The following D2HGDH variants were observed in gnomAD, a reference collection of about 807,000 sequenced individuals.
D2HGDH encodes the protein D-2-hydroxyglutarate dehydrogenase.
D2HGDH carries 31 observed loss-of-function variants against 46.9 expected under a neutral mutation model. The ratio of observed to expected loss-of-function variants is 0.66; its 90% CI spans 0.50 to 0.89. The LOEUF is 0.89. Ranked by LOEUF, D2HGDH falls within the 40% of genes least tolerant of loss-of-function variation. The pLI, the probability that D2HGDH is intolerant of heterozygous loss-of-function variation, is 0.00. For missense variants in D2HGDH, 698 were observed against 720.8 expected (o/e 0.97, Z 0.36); for synonymous variants, 364 against 332.6 (o/e 1.09, Z -1.03).
intron 2 of D2HGDH, among the ~76,000 whole-genome samples, chr2:241,739,460 A>G (rs921741653): frequency 6.6e-6 from 1 of 152,214 alleles, no homozygotes; most frequent in African/African-American, 2.4e-5. Flanking sequence ...CCTCTGCAAA[A>G]ATTGCTCATT....
intron 1 of D2HGDH, 181 bp downstream of exon 1, chr2:241,734,876 T>A (rs1692302660): frequency 4.0e-6 from 1 of 250,542 alleles, no homozygotes; most frequent in Admixed American, 5.6e-5. Flanking sequence ...GTCCGCGGGA[T>A]CCCCTCGGGG....
chr2:241,760,471 C>T (rs1294201437), intron 9 of D2HGDH, among the ~76,000 whole-genome samples: 1 of 143,304 alleles, frequency 7.0e-6, no homozygotes, highest in Non-Finnish European at 1.5e-5. Flanking sequence ...AGGCTTTTTG[C>T]CACAGCGTGG....
At position 241,744,850 on chromosome 2, in the gene D2HGDH, C is replaced by A; in HGVS notation, c.826C>A (p.Pro276Thr). The A allele has an allele frequency of 6.2e-7, 1 of 1,614,084 alleles. No individual in the cohort carries two copies. Among genetic ancestry groups the A allele is most frequent in the South Asian group, 1.1e-5 (1 of 91,076 alleles). Reference protein sequence around the residue: ...TTVSILCPPKPRAVNVAFLGC... With the variant: ...TTVSILCPPKTRAVNVAFLGC... ...GGTGTCCATCTTGTGTCCACCCAAG[C>A]CCAGGGCTGTGAACGTGGCTTTCCT... Residue 276 changes from proline to threonine, a missense_variant, in exon 6 of 10, where the codon CCC becomes ACC. Pro to Thr is a conservative substitution (Grantham distance 38). Transcript: ENST00000321264.
In D2HGDH at chr2:241,743,640, C is replaced by A. The variant is rs762382450; in HGVS notation, c.509C>A (p.Ala170Glu). The part of the protein sequence containing the change: ...HSVSGILVCQ[A>E]GCVLEELSRY... ...TCTGCAGGAATTCTGGTTTGCCAGG[C>A]GGGCTGCGTCCTGGAGGAGCTGAGC... Residue 170 changes from alanine to glutamate, a missense_variant, in exon 5 of 10, where the codon GCG becomes GAG. By Grantham distance (107) the Ala-to-Glu change is moderately radical. Coordinates refer to ENST00000321264, the MANE Select transcript of D2HGDH (RefSeq NM_152783.5). The surrounding 1 kb of genome is among the most constrained non-coding windows in gnomAD (Gnocchi z 4.8). 1.2e-6 allele frequency: 2 copies of A among 1,613,538 alleles called. No individual in the cohort carries two copies. Among genetic ancestry groups the A allele is most frequent in the Non-Finnish European group, 1.7e-6 (2 of 1,179,914 alleles).
At chr2:241,735,633 G>A (rs1454559517) in intron 2 of D2HGDH, 117 bp downstream of exon 2, 40 of 1,398,072 alleles carry the variant, frequency 2.9e-5, no homozygotes, top group Middle Eastern at 2.4e-4. Context: ...CCCTGGCTGC[G>A]CTGAGAGGGG....
intron 9 of D2HGDH, among the ~76,000 whole-genome samples, chr2:241,759,263 G>A (rs1037199508): frequency 1.3e-5 from 2 of 152,168 alleles, no homozygotes; most frequent in Non-Finnish European, 2.9e-5. Context: ...GCCACTCCCT[G>A]AGGGAGGTGT....
Position 241,755,924 on chromosome 2 carries a change from C to T in D2HGDH, c.1216C>T (p.Leu406Phe). The T allele has an allele frequency of 1.2e-6, 2 of 1,612,898 alleles. No homozygotes were observed. Among genetic ancestry groups the T allele is most frequent in the African/African-American group, 1.3e-5 (1 of 75,062 alleles). Residue 406 changes from leucine to phenylalanine, a missense_variant, in exon 9 of 10, where the codon CTC becomes TTC. Leu to Phe is a conservative substitution (Grantham distance 22, BLOSUM62 0). Transcript: ENST00000321264. Reference protein sequence around the residue: ...DGYVYKYDLSLPVERLYDIVT... With the variant: ...DGYVYKYDLSFPVERLYDIVT... ...CTACGTGTACAAGTACGACCTCTCCCTCCCTGTGGAGCGGCTCTACGACAT... is the reference window on the plus strand; with the variant it reads ...CTACGTGTACAAGTACGACCTCTCCTTCCCTGTGGAGCGGCTCTACGACAT...
Position 241,743,474 on chromosome 2 carries a change from G to T in D2HGDH, c.491-148G>T, listed in dbSNP as rs981999267. 1.5e-5 allele frequency: 12 copies of T among 815,468 alleles called. No homozygotes were observed. In the African/African-American group the frequency reaches 1.7e-4, roughly 12 times the overall value. 50.5% of individuals were successfully genotyped at this position (815,468 alleles called of 1,614,324 possible). On this transcript the variant is annotated intron_variant, in intron 4 of 9. Coordinates refer to ENST00000321264, the MANE Select transcript of D2HGDH (RefSeq NM_152783.5). This position sits in a 1 kb window ranked among gnomAD's most constrained non-coding sequence, Gnocchi z 4.8. ...CAGATGTTTTCGTCCTTGGGCCAGCGATGTGGGGGTGCCTCTTCTCCTCAG... is the reference window on the plus strand; with the variant it reads ...CAGATGTTTTCGTCCTTGGGCCAGCTATGTGGGGGTGCCTCTTCTCCTCAG...
chr2:241,739,702 A>T (rs916762077), intron 2 of D2HGDH, among the ~76,000 whole-genome samples: 1 of 152,270 alleles, frequency 6.6e-6, no homozygotes, highest in Non-Finnish European at 1.5e-5. Flanking sequence ...GAGGGCTCCC[A>T]CTGGTCACAT....
intron 6 of D2HGDH, among the ~76,000 whole-genome samples, chr2:241,747,126 G>C (rs1696063941): frequency 6.6e-6 from 1 of 152,038 alleles, no homozygotes; most frequent in Non-Finnish European, 1.5e-5. Flanking sequence ...TTTGTATGTA[G>C]AAACAGGGTC....
chr2:241,741,131 C>A, intron 3 of D2HGDH, 41 bp downstream of exon 3: 1 of 1,588,496 alleles, frequency 6.3e-7, no homozygotes, highest in Non-Finnish European at 8.6e-7. Context: ...TTCCCTGTTG[C>A]CTGTGGGTCA....
rs60946542 is a variant in D2HGDH, at chr2:241,740,814, G to A, written c.293-219G>A. Among the ~76,000 whole-genome samples the A allele has an allele frequency of 0.27, 40,877 of 152,032 alleles. 6,370 individuals are homozygous for A. The highest frequency in any genetic ancestry group is 0.42 in the African/African-American group (17,199 of 41,414). Reference sequence around the variant, plus strand: ...ACAAAAATTAGCCAGGTGTGGTGGCGGGTGCCTATAATCCCAGCTACTTGG... The same window carrying A: ...ACAAAAATTAGCCAGGTGTGGTGGCAGGTGCCTATAATCCCAGCTACTTGG... On this transcript the variant is annotated intron_variant, in intron 2 of 9. Coordinates refer to ENST00000321264, the MANE Select transcript of D2HGDH (RefSeq NM_152783.5).
At chr2:241,755,490 C>T (rs915007620) in intron 8 of D2HGDH, 25 of 1,335,150 alleles carry the variant, frequency 1.9e-5, no homozygotes, top group Non-Finnish European at 2.1e-5. Context: ...GGGCGCCTCC[C>T]CCTTCCGTCA....
rs35386923 is a variant in D2HGDH at position 241,748,951 on chromosome 2, C to T, written c.854-1200C>T. 0.47 allele frequency: 598,612 copies of T among 1,286,350 alleles called. 142,594 individuals are homozygous for T. The highest frequency in any genetic ancestry group is 0.73 in the African/African-American group (47,600 of 65,416). The allele number at this position is 1,286,350 out of a possible 1,614,324, so 79.7% of individuals were successfully genotyped here. On this transcript the variant is annotated intron_variant, in intron 6 of 9. Transcript: ENST00000321264. The stretch of plus-strand genomic sequence containing the variant: ...TGCTCTTCGCACTCCAGGTCTCAGA[C>T]AGGAGTCACTCGCCTCTTCGTGCCA...
rs765328102 is a variant in D2HGDH, at chr2:241,743,765, C to T, written c.634C>T (p.Arg212Trp). 3.2e-5 allele frequency: 51 copies of T among 1,610,368 alleles called. No homozygotes were observed. Among genetic ancestry groups the T allele is most frequent in the African/African-American group, 6.7e-5 (5 of 74,846 alleles). Residue 212 changes from arginine (R) to tryptophan (W), a missense_variant, in exon 5 of 10, where the codon CGG becomes TGG. Arg to Trp is a moderately radical substitution (Grantham distance 101, BLOSUM62 -3). Coordinates refer to ENST00000321264, the MANE Select transcript of D2HGDH (RefSeq NM_152783.5). This position sits in a 1 kb window ranked among gnomAD's most constrained non-coding sequence, Gnocchi z 4.8. Reference sequence around the variant, plus strand: ...CGTGGCAACCAACGCTGGAGGCCTGCGGTTTCTTCGATATGGCTCACTGCA... The same window carrying T: ...CGTGGCAACCAACGCTGGAGGCCTGTGGTTTCTTCGATATGGCTCACTGCA... ...GNVATNAGGL[R>W]FLRYGSLHGT... is the part of the protein sequence containing the mutation.
chr2:241,755,328 CCCTGCTGTTGTCCCCACTGCCTGTGT>C, intron 8 of D2HGDH: 1 of 1,303,128 alleles, frequency 7.7e-7, no homozygotes, highest in South Asian at 1.2e-5. Flanking sequence ...GCTGCCTGGG[CCCTGCTGTTGTCCCCACTGCCTGTGT>C]GACTCTGCGC....
In D2HGDH at chr2:241,742,326, G is replaced by A; in HGVS notation, c.351-109G>A. On this transcript the variant is annotated intron_variant, in intron 3 of 9. Transcript: ENST00000321264. The surrounding 1 kb of genome is among the most constrained non-coding windows in gnomAD (Gnocchi z 4.8). ...AGCCCCCGCTGAGGCTGCAGGCAGG[G>A]CAGGGTAATCAGGATTTGGAGTCAG... 7.0e-7 allele frequency: 1 copy of A among 1,422,044 alleles called. No homozygotes were observed. The highest frequency in any genetic ancestry group is 9.5e-7 in the Non-Finnish European group (1 of 1,051,204). 88.1% of individuals were successfully genotyped at this position (1,422,044 alleles called of 1,614,324 possible). A position where few individuals can be genotyped will look rare whatever the true frequency, so the allele number is the denominator to read the frequency against.
intron 6 of D2HGDH, chr2:241,749,640 C>T (rs1189486884): frequency 9.3e-6 from 3 of 321,144 alleles, no homozygotes; most frequent in Admixed American, 9.2e-5. Context: ...CTGCCTGTTG[C>T]TGGCTCTGTG....
At chr2:241,737,785 G>A (rs1693336867) in intron 2 of D2HGDH, among the ~76,000 whole-genome samples, 1 of 152,216 alleles carries the variant, frequency 6.6e-6, no homozygotes, top group Non-Finnish European at 1.5e-5. Flanking sequence ...AAATAGTAAA[G>A]CGAGGTAGAA....
Sources: gnomAD v4.1 joint callset for allele counts (sites outside exome capture counted in the v4.1 genomes callset) on GRCh38, gnomAD v4.1.1 for gene constraint, Gnocchi (gnomAD v3.1) non-coding constraint, MANE v1.5 for transcripts, NCBI Gene and HGNC (gene_info 2026-07-23, HGNC 2026-07-21) for gene names.